CD226: variants seen among roughly 807,000 people sequenced by gnomAD.
CD226 encodes the protein CD226 molecule.
CD226 carries 24 observed loss-of-function variants against 34.9 expected under a neutral mutation model. That is an observed-to-expected ratio of 0.69 (90% confidence interval 0.50 to 0.97). The LOEUF is 0.97. CD226 is among the 50% of genes least tolerant of loss of function. The probability of loss-of-function intolerance (pLI) is 0.00; values close to 1 mark genes in which losing one functional copy is unlikely to be tolerated. For synonymous variants in CD226, 148 were observed against 147.4 expected (o/e 1.00, Z -0.03); for missense variants, 397 against 412.7 (o/e 0.96, Z 0.33).
chr18:69,957,832 C>T (rs2145392127), upstream of CD226, among the ~76,000 whole-genome samples: 1 of 152,338 alleles, frequency 6.6e-6, no homozygotes, highest in East Asian at 1.9e-4. Context: ...ACTCTCGTCA[C>T]TCCCTTCAAT....
At chr18:69,916,538 G>A (rs1388780046) in intron 2 of CD226, among the ~76,000 whole-genome samples, 1 of 152,164 alleles carries the variant, frequency 6.6e-6, no homozygotes, top group Non-Finnish European at 1.5e-5. Context: ...AAACAATGAT[G>A]TGTTTGATTC....
At chr18:69,909,646 C>T (rs2055300185) in intron 2 of CD226, among the ~76,000 whole-genome samples, 1 of 152,080 alleles carries the variant, frequency 6.6e-6, no homozygotes, top group Non-Finnish European at 1.5e-5. Flanking sequence ...GCAAGTAGCC[C>T]AGAAAAAACT....
At chr18:69,890,895 C>G (rs944634018) in intron 3 of CD226, among the ~76,000 whole-genome samples, 1 of 151,652 alleles carries the variant, frequency 6.6e-6, no homozygotes, top group Non-Finnish European at 1.5e-5. Context: ...AGTTTAGAAA[C>G]AGTTCTACAT....
intron 2 of CD226, among the ~76,000 whole-genome samples, chr18:69,918,369 A>G (rs1266090465): frequency 1.3e-5 from 2 of 152,126 alleles, no homozygotes; most frequent in South Asian, 2.1e-4. Flanking sequence ...CCTGGCCAAC[A>G]TCATGAAACC....
intron 2 of CD226, among the ~76,000 whole-genome samples, chr18:69,916,277 A>G (rs1435829031): frequency 4.6e-5 from 7 of 152,216 alleles, no homozygotes; most frequent in Non-Finnish European, 1.0e-4. Flanking sequence ...TTATAAAATC[A>G]TGTAAGAGTA....
At chr18:69,874,372 G>T (rs1434622689) in intron 3 of CD226, among the ~76,000 whole-genome samples, 1 of 152,204 alleles carries the variant, frequency 6.6e-6, no homozygotes, top group African/African-American at 2.4e-5. Flanking sequence ...AGAGCATGTT[G>T]TGAGTGCCTC....
At chr18:69,883,120 GAAGATGA>G (rs2145213110) in intron 3 of CD226, among the ~76,000 whole-genome samples, 1 of 152,282 alleles carries the variant, frequency 6.6e-6, no homozygotes, top group East Asian at 1.9e-4. Flanking sequence ...CCATAAAAAA[GAAGATGA>G]AGTAGATGCA....
At chr18:69,882,566 T>C (rs1336586283) in intron 3 of CD226, among the ~76,000 whole-genome samples, 1 of 152,218 alleles carries the variant, frequency 6.6e-6, no homozygotes, top group African/African-American at 2.4e-5. Context: ...TCCTTTGTAT[T>C]AGATATCTCA....
rs1305747976 is a variant in CD226, at chr18:69,860,941, A to G, written c.*3373T>C. The G allele has an allele frequency of 6.6e-6, 1 of 152,128 alleles. No individual in the cohort carries two copies. The highest frequency in any genetic ancestry group is 1.5e-5 in the Non-Finnish European group (1 of 67,958). The allele number at this position is 152,128 out of a possible 1,614,324, so 9.4% of individuals were successfully genotyped here. ...GCAGTACAAAATACAGTACATCATT[A>G]TAAATCAAGGAGAAGCATTTTGGTC... On this transcript the variant is annotated 3_prime_UTR_variant, in exon 6 of 6. Coordinates refer to ENST00000582621, the MANE Select transcript of CD226 (RefSeq NM_001303618.2).
intron 2 of CD226, among the ~76,000 whole-genome samples, chr18:69,933,177 C>G (rs2055609475): frequency 1.3e-5 from 2 of 152,188 alleles, no homozygotes; most frequent in Non-Finnish European, 2.9e-5. Flanking sequence ...CTTCCTACCT[C>G]TACATCATCC....
At chr18:69,948,316 ACATATCAG>A (rs1315850829), upstream of CD226, among the ~76,000 whole-genome samples, 3 of 152,178 alleles carry the variant, frequency 2.0e-5, no homozygotes, top group Non-Finnish European at 4.4e-5. Context: ...CTTGTTAGGA[ACATATCAG>A]CATGTTAGTA....
intron 2 of CD226, among the ~76,000 whole-genome samples, chr18:69,931,148 C>T (rs1409017554): frequency 2.0e-5 from 3 of 152,130 alleles, no homozygotes; most frequent in South Asian, 2.1e-4. Context: ...AACCAAACAC[C>T]GCATGTTCTC....
At chr18:69,868,946 T>C (rs1417091440) in intron 4 of CD226, among the ~76,000 whole-genome samples, 1 of 152,190 alleles carries the variant, frequency 6.6e-6, no homozygotes, top group Non-Finnish European at 1.5e-5. Flanking sequence ...ACTAGCTGAG[T>C]TATTTATGTC....
chr18:69,938,157 G>A (rs1271114335), intron 2 of CD226, among the ~76,000 whole-genome samples: 4 of 152,172 alleles, frequency 2.6e-5, no homozygotes, highest in African/African-American at 9.7e-5. Context: ...AGATCACAGA[G>A]TCAGCAAACA....
intron 3 of CD226, among the ~76,000 whole-genome samples, chr18:69,878,717 A>G (rs1984029862): frequency 6.6e-6 from 1 of 152,198 alleles, no homozygotes; most frequent in Non-Finnish European, 1.5e-5. Flanking sequence ...TCTCAAAAAG[A>G]TGAAAGAAAA....
intron 1 of CD226, chr18:69,956,739 T>C (rs1359840642): frequency 6.6e-6 from 1 of 152,264 alleles, no homozygotes; most frequent in African/African-American, 2.4e-5. Flanking sequence ...GTCTTTTTTC[T>C]GAGAAGGTTA....
chr18:69,944,878 C>G (rs2055770382), intron 2 of CD226, among the ~76,000 whole-genome samples: 1 of 152,214 alleles, frequency 6.6e-6, no homozygotes, highest in Admixed American at 6.5e-5. Context: ...TAAATTGACA[C>G]TCTATAAGCC....
rs956458266 is a variant in CD226 at position 69,864,115 on chromosome 18, A to G, written c.*199T>C. On this transcript the variant is annotated 3_prime_UTR_variant, in exon 6 of 6. Transcript: ENST00000582621. ...TGATACAGTAAGTTTTCTTTTGTATATAAACCAGTTAGAGTCAGGTTTTCT... is the reference window on the plus strand; with the variant it reads ...TGATACAGTAAGTTTTCTTTTGTATGTAAACCAGTTAGAGTCAGGTTTTCT... 3.4e-5 allele frequency: 19 copies of G among 552,660 alleles called. No homozygotes were observed. Among genetic ancestry groups the G allele is most frequent in the African/African-American group, 3.4e-4 (18 of 52,866 alleles). 34.2% of individuals were successfully genotyped at this position (552,660 alleles called of 1,614,324 possible).
rs56118102 is a variant in CD226, at chr18:69,924,692, CAAAA to C, written c.382+22038_382+22041del. ...GGCAACAGTAGGATGAAGGTATTGC[CAAAA>C]AAAAAAAAAAAAAAAAGAATCATTC... On this transcript the variant is annotated intron_variant, in intron 2 of 5. Transcript: ENST00000582621. Among the ~76,000 whole-genome samples the C allele has an allele frequency of 2.1e-4, 12 of 57,110 alleles. No homozygotes were observed. The East Asian group carries it at 9.0e-3, about 43-fold the overall frequency. The allele number at this position is 57,110 out of a possible 152,430, so 37.5% of individuals were successfully genotyped here.
Sources: allele counts gnomAD v4.1 joint callset (sites outside exome capture counted in the v4.1 genomes callset), GRCh38; gene constraint gnomAD v4.1.1; transcripts MANE v1.5; gene names NCBI Gene and HGNC (gene_info 2026-07-23, HGNC 2026-07-21).